MAPK10: variants seen among roughly 807,000 people sequenced by gnomAD.
The protein encoded by MAPK10 is JNK3 alpha protein kinase.
In MAPK10, 25 loss-of-function variants were observed where a neutral mutation model predicts 59.3. The ratio of observed to expected loss-of-function variants is 0.42; its 90% CI spans 0.31 to 0.59. The LOEUF (loss-of-function observed/expected upper bound fraction) is 0.59, where lower values mean the gene tolerates loss of function less well. Among genes scored for constraint, MAPK10 ranks in the 20% least tolerant of loss-of-function variants. MAPK10 has a pLI of 0.15. For missense variants in MAPK10, 351 were observed against 568.9 expected (o/e 0.62, Z 3.90); for synonymous variants, 190 against 200.5 (o/e 0.95, Z 0.44).
At chr4:86,058,648 C>G (rs2045116695) in intron 11 of MAPK10, among the ~76,000 whole-genome samples, 1 of 149,526 alleles carries the variant, frequency 6.7e-6, no homozygotes, top group South Asian at 2.1e-4. Flanking sequence ...TGTGTTGGTC[C>G]AAGAGTGTCT....
intron 2 of MAPK10, among the ~76,000 whole-genome samples, chr4:86,257,213 C>T (rs2148729895): frequency 6.6e-6 from 1 of 152,254 alleles, no homozygotes; most frequent in East Asian, 1.9e-4. Flanking sequence ...CTAATATTAA[C>T]TTATTTTATT....
chr4:86,254,628 G>T lies in MAPK10; in HGVS notation c.-6-60221C>A, dbSNP rs1468576218. ...TCAATTTTGGAATAGGTGTGGTGTG[G>T]TGCTGAAAAAAATGTATATTCTGTT... On this transcript the variant is annotated intron_variant, in intron 2 of 13. Transcript: ENST00000641462. Among the ~76,000 whole-genome samples the T allele has an allele frequency of 3.9e-5, 5 of 126,952 alleles. No individual in the cohort carries two copies. In the East Asian group the frequency reaches 9.3e-4, roughly 24 times the overall value. 83.3% of individuals were successfully genotyped at this position (126,952 alleles called of 152,430 possible). A position where few individuals can be genotyped will look rare whatever the true frequency, so the allele number is the denominator to read the frequency against.
At chr4:86,508,397 AC>A (rs1755963893) in intron 1 of MAPK10, among the ~76,000 whole-genome samples, 1 of 152,198 alleles carries the variant, frequency 6.6e-6, no homozygotes, top group Non-Finnish European at 1.5e-5. Flanking sequence ...TAAATAAAGG[AC>A]CTTGCATCCC....
intron 2 of MAPK10, among the ~76,000 whole-genome samples, chr4:86,316,705 G>T (rs1041987601): frequency 6.6e-6 from 1 of 152,144 alleles, no homozygotes; most frequent in Non-Finnish European, 1.5e-5. Context: ...TAAGAAAGCA[G>T]TAGTGGCAGA....
At chr4:86,189,084 T>A (rs191302970) in intron 3 of MAPK10, among the ~76,000 whole-genome samples, 2 of 152,216 alleles carry the variant, frequency 1.3e-5, no homozygotes, top group African/African-American at 2.4e-5. Context: ...GAGGCCTCTG[T>A]TCTGTTCCAT....
chr4:86,062,600 A>C (rs1435340789), intron 11 of MAPK10, among the ~76,000 whole-genome samples: 3 of 152,142 alleles, frequency 2.0e-5, no homozygotes, highest in Non-Finnish European at 1.5e-5. Flanking sequence ...GTTAGATATA[A>C]GAAAAAATAA....
intron 11 of MAPK10, among the ~76,000 whole-genome samples, chr4:86,037,329 G>GCTA: frequency 6.6e-6 from 1 of 152,194 alleles, no homozygotes; most frequent in African/African-American, 2.4e-5. Context: ...GACCATCCTG[G>GCTA]CTAACACAGT....
intron 1 of MAPK10, among the ~76,000 whole-genome samples, chr4:86,428,810 C>T (rs552939817): frequency 2.0e-5 from 3 of 152,264 alleles, no homozygotes; most frequent in Admixed American, 1.3e-4. Flanking sequence ...AAGCAGAATA[C>T]AGCCCAATAC....
rs530720055 is a variant in MAPK10, at chr4:86,544,311, A to G, written c.-263+49599T>C. ...ATAAAAGTCCCTCAAATTAAAAACAAAAAGGCATCGACATGATTTGTGGTT... is the reference window on the plus strand; with the variant it reads ...ATAAAAGTCCCTCAAATTAAAAACAGAAAGGCATCGACATGATTTGTGGTT... On this transcript the variant is annotated intron_variant, in intron 1 of 4. Transcript: ENST00000502302. Among the ~76,000 whole-genome samples, 23 of 152,354 alleles carry G rather than the reference A, an allele frequency of 1.5e-4. No homozygotes were observed. In the South Asian group the frequency reaches 1.9e-3, roughly 12 times the overall value.
chr4:86,207,472 A>G (rs2084406529), intron 2 of MAPK10, among the ~76,000 whole-genome samples: 1 of 152,158 alleles, frequency 6.6e-6, no homozygotes, highest in Non-Finnish European at 1.5e-5. Flanking sequence ...GTTTGAAGTC[A>G]GGTAGCGTGA....
chr4:86,267,185 T>C lies in MAPK10; in HGVS notation c.-6-72778A>G, dbSNP rs535381577. 7.2e-5 allele frequency among the ~76,000 whole-genome samples: 11 copies of C among 152,384 alleles called. No individual in the cohort carries two copies. The South Asian group carries it at 2.1e-3, about 29-fold the overall frequency. On this transcript the variant is annotated intron_variant, in intron 2 of 13. Coordinates refer to ENST00000641462, the MANE Select transcript of MAPK10 (RefSeq NM_138982.4). The stretch of plus-strand genomic sequence containing the variant: ...TGAACAGAAAAGTTCACAGAAGTTA[T>C]TATTTTAGCATAGATTTCCCACAAA...
chr4:86,069,278 C>A (rs2047312812), intron 9 of MAPK10, among the ~76,000 whole-genome samples: 2 of 151,808 alleles, frequency 1.3e-5, no homozygotes, highest in Non-Finnish European at 2.9e-5. Flanking sequence ...TATAATCTGG[C>A]TGAATAAAAC....
At chr4:86,578,594 T>C (rs1762054005) in intron 1 of MAPK10, among the ~76,000 whole-genome samples, 1 of 151,764 alleles carries the variant, frequency 6.6e-6, no homozygotes, top group East Asian at 1.9e-4. Flanking sequence ...CTATTTGAAT[T>C]GTAATATGCT....
chr4:86,455,034 GCT>G (rs1751110549), upstream of MAPK10, among the ~76,000 whole-genome samples: 1 of 152,062 alleles, frequency 6.6e-6, no homozygotes, highest in Non-Finnish European at 1.5e-5. Flanking sequence ...GTGAAACTAA[GCT>G]TCATAAGTGA....
chr4:86,544,261 G>A (rs559115932), intron 1 of MAPK10, among the ~76,000 whole-genome samples: 2 of 152,274 alleles, frequency 1.3e-5, no homozygotes, highest in Non-Finnish European at 2.9e-5. Context: ...TGTGAAGTAG[G>A]GGAGCTGGAG....
At chr4:86,525,049 G>T (rs970711702) in intron 1 of MAPK10, among the ~76,000 whole-genome samples, 1 of 152,078 alleles carries the variant, frequency 6.6e-6, no homozygotes, top group Admixed American at 6.6e-5. Flanking sequence ...TGTAAACCCA[G>T]CACTTTGGGA....
rs1028078498 is a variant in MAPK10, at chr4:86,393,854, G to C, written c.-121-39210C>G. ...TGAGTGTCTTCTTCACCTTCTGCAT[G>C]TCTCACTAAATCACATAAGGTGAAG... is the stretch of plus-strand genomic sequence containing the variant. On this transcript the variant is annotated intron_variant, in intron 1 of 13. Coordinates refer to the MAPK10 transcript ENST00000361569. 3.0e-4 allele frequency among the ~76,000 whole-genome samples: 45 copies of C among 152,304 alleles called. 1 individual carries two copies. Among genetic ancestry groups the C allele is most frequent in the African/African-American group, 1.1e-3 (45 of 41,558 alleles).
chr4:86,186,400 C>A (rs1253236028), intron 3 of MAPK10, among the ~76,000 whole-genome samples: 3 of 152,084 alleles, frequency 2.0e-5, no homozygotes, highest in African/African-American at 7.2e-5. Context: ...TTATTCATTG[C>A]AGGCAACACA....
At chr4:86,374,395 T>C (rs1739442204) in intron 1 of MAPK10, among the ~76,000 whole-genome samples, 1 of 152,068 alleles carries the variant, frequency 6.6e-6, no homozygotes, top group South Asian at 2.1e-4. Context: ...TCCCAGAACT[T>C]AAAGCATAAT....
Sources: allele counts gnomAD v4.1 joint callset (sites outside exome capture counted in the v4.1 genomes callset), GRCh38; gene constraint gnomAD v4.1.1; transcripts MANE v1.5; gene names NCBI Gene and HGNC (gene_info 2026-07-23, HGNC 2026-07-21).